DAPL1: variants seen among roughly 807,000 people sequenced by gnomAD.
The protein encoded by DAPL1 is death-associated protein-like 1.
A neutral mutation model predicts 12.9 loss-of-function variants in DAPL1; 17 were observed. The observed-to-expected ratio is 1.32, with a 90% CI of 0.90 to 1.98. DAPL1 has a LOEUF of 1.98. Ranked by LOEUF, DAPL1 falls within the 30% of genes most tolerant of loss-of-function variation. The pLI is 0.00. For missense variants in DAPL1, 157 were observed against 125.7 expected, an observed-to-expected ratio of 1.25 and a Z score of -1.19; for synonymous variants, 51 against 42.0, an observed-to-expected ratio of 1.21 and a Z score of -0.82.
At chr2:158,801,497 T>C (rs1456937662) in intron 1 of DAPL1, among the ~76,000 whole-genome samples, 2 of 152,208 alleles carry the variant, frequency 1.3e-5, no homozygotes, top group Non-Finnish European at 2.9e-5. Context: ...TATTCAGAAA[T>C]GTTTCCCTAT....
chr2:158,813,672 C>T (rs2059244171), intron 3 of DAPL1, among the ~76,000 whole-genome samples: 1 of 151,696 alleles, frequency 6.6e-6, no homozygotes, highest in Admixed American at 6.6e-5. Flanking sequence ...TCTCCTGCCT[C>T]AGCCTCCAGA....
chr2:158,799,824 G>A (rs113244310), intron 1 of DAPL1, among the ~76,000 whole-genome samples: 5 of 152,272 alleles, frequency 3.3e-5, no homozygotes, highest in African/African-American at 1.2e-4. Context: ...CTGGATGGAA[G>A]TAGGAATCTT....
chr2:158,795,497 T>C (rs1367320796), intron 1 of DAPL1, 67 bp downstream of exon 1: 15 of 1,457,412 alleles, frequency 1.0e-5, no homozygotes, highest in Non-Finnish European at 9.4e-7. Flanking sequence ...ATGCCTTCCA[T>C]GGAGCACCCC....
At chr2:158,795,630 A>G (rs1427839036) in intron 1 of DAPL1, among the ~76,000 whole-genome samples, 200 bp downstream of exon 1, 2 of 152,154 alleles carry the variant, frequency 1.3e-5, no homozygotes, top group African/African-American at 4.8e-5. Context: ...TCAGACCCCC[A>G]GTGAGTTAAA....
In DAPL1 at chr2:158,815,760, C is replaced by A; in HGVS notation, c.263C>A (p.Ala88Asp). The A allele has an allele frequency of 4.3e-6, 7 of 1,614,104 alleles. No individual in the cohort carries two copies. Among genetic ancestry groups the A allele is most frequent in the Non-Finnish European group, 5.9e-6 (7 of 1,179,968 alleles). The change falls in exon 4 of 4, where the codon GCT becomes GAT. Residue 88 changes from alanine (A) to aspartate (D), a missense_variant. Coordinates refer to ENST00000309950, the MANE Select transcript of DAPL1 (RefSeq NM_001017920.3). ...VHMAHQKPTPALEKVVPLKRI... is the reference protein window; with the variant it reads ...VHMAHQKPTPDLEKVVPLKRI... ...ATGGCGCATCAAAAACCCACACCTGCTCTGGAAAAGGTTGTTCCACTGAAA... is the reference window on the plus strand; with the variant it reads ...ATGGCGCATCAAAAACCCACACCTGATCTGGAAAAGGTTGTTCCACTGAAA...
chr2:158,812,296 G>T (rs1489548206), intron 3 of DAPL1, among the ~76,000 whole-genome samples: 3 of 152,184 alleles, frequency 2.0e-5, no homozygotes, highest in African/African-American at 7.2e-5. Context: ...TGGCCATTGG[G>T]CCACAGGGGC....
In DAPL1 at chr2:158,815,925, A is replaced by T; in HGVS notation, c.*104A>T. ...TAGGCGTGCTGCACTTGCTTGGTAA[A>T]TTAAGCAGCTTTTGTATCTTCCCCT... On this transcript the variant is annotated 3_prime_UTR_variant, in exon 4 of 4. Transcript: ENST00000309950. 1.2e-6 allele frequency: 1 copy of T among 800,188 alleles called. No homozygotes were observed. Among genetic ancestry groups the T allele is most frequent in the Non-Finnish European group, 2.2e-6 (1 of 463,634 alleles). The allele number at this position is 800,188 out of a possible 1,614,324, so 49.6% of individuals were successfully genotyped here.
Position 158,815,771 on chromosome 2 carries a change from G to C in DAPL1, c.274G>C (p.Val92Leu). ...HQKPTPALEK[V>L]VPLKRIYIIQ... ...AAAACCCACACCTGCTCTGGAAAAG[G>C]TTGTTCCACTGAAAAGGATCTACAT... The change falls in exon 4 of 4, where the codon GTT becomes CTT. Residue 92 changes from valine (V) to leucine (L), a missense_variant. Coordinates refer to ENST00000309950, the MANE Select transcript of DAPL1 (RefSeq NM_001017920.3). 2 of 1,614,076 alleles carry C rather than the reference G, an allele frequency of 1.2e-6. No individual in the cohort carries two copies. Among genetic ancestry groups the C allele is most frequent in the Non-Finnish European group, 1.7e-6 (2 of 1,179,974 alleles).
intron 3 of DAPL1, among the ~76,000 whole-genome samples, chr2:158,810,810 GGCTGTGTAGCCCAAAA>G (rs1196165040): frequency 3.3e-5 from 5 of 152,166 alleles, no homozygotes; most frequent in African/African-American, 1.2e-4. Flanking sequence ...GCAGAAAACA[GGCTGTGTAGCCCAAAA>G]GCTCTTTAGG....
At chr2:158,813,638 C>A (rs2059243806) in intron 3 of DAPL1, among the ~76,000 whole-genome samples, 1 of 150,698 alleles carries the variant, frequency 6.6e-6, no homozygotes, top group Non-Finnish European at 1.5e-5. Context: ...TCACTGCAAC[C>A]TCCGCCTCCT....
chr2:158,797,137 C>T (rs1423983264), intron 1 of DAPL1, among the ~76,000 whole-genome samples: 3 of 152,120 alleles, frequency 2.0e-5, no homozygotes, highest in Non-Finnish European at 4.4e-5. Flanking sequence ...AGATACGATT[C>T]GGTGGGGAGG....
chr2:158,812,305 G>C, intron 3 of DAPL1, among the ~76,000 whole-genome samples: 1 of 152,180 alleles, frequency 6.6e-6, no homozygotes, highest in East Asian at 1.9e-4. Context: ...GGCCACAGGG[G>C]CTGACTTTGT....
rs1376959091 is a variant in DAPL1 at position 158,815,774 on chromosome 2, G to T, written c.277G>T (p.Val93Phe). ...QKPTPALEKVVPLKRIYIIQQ... is the reference protein window; with the variant it reads ...QKPTPALEKVFPLKRIYIIQQ... ...ACCCACACCTGCTCTGGAAAAGGTTGTTCCACTGAAAAGGATCTACATTAT... is the reference window on the plus strand; with the variant it reads ...ACCCACACCTGCTCTGGAAAAGGTTTTTCCACTGAAAAGGATCTACATTAT... The change falls in exon 4 of 4, where the codon GTT becomes TTT. Residue 93 changes from valine (V) to phenylalanine (F), a missense_variant. Coordinates refer to ENST00000309950, the MANE Select transcript of DAPL1 (RefSeq NM_001017920.3). 1 of 1,614,088 alleles carries T rather than the reference G, an allele frequency of 6.2e-7. No homozygotes were observed.
In DAPL1 at chr2:158,804,301, A is replaced by G; in HGVS notation, c.78A>G (p.Arg26=). The G allele has an allele frequency of 6.2e-7, 1 of 1,610,490 alleles. No individual in the cohort carries two copies. The highest frequency in any genetic ancestry group is 8.5e-7 in the Non-Finnish European group (1 of 1,177,988). The part of the protein sequence containing the change: ...HPPAVKAGGM[R]ISKKQEIGTL... ...TTGTAGTAAAAGCTGGAGGAATGAG[A>G]ATTTCCAAAAAACAAGAAATTGGCA... The change falls in exon 2 of 4, where the codon AGA becomes AGG. Residue 26 remains arginine (R), a synonymous_variant. Coordinates refer to ENST00000309950, the MANE Select transcript of DAPL1 (RefSeq NM_001017920.3).
intron 2 of DAPL1, 128 bp downstream of exon 2, chr2:158,804,497 G>C: frequency 3.1e-6 from 2 of 637,674 alleles, no homozygotes; most frequent in Non-Finnish European, 5.4e-6. Context: ...GCAGGAGGGG[G>C]AGGGCGTGAT....
intron 2 of DAPL1, 54 bp downstream of exon 2, chr2:158,804,423 C>A: frequency 7.6e-7 from 1 of 1,318,952 alleles, no homozygotes; most frequent in Non-Finnish European, 1.1e-6. Context: ...GTGACTCTGC[C>A]TCCAGGAGTT....
intron 3 of DAPL1, among the ~76,000 whole-genome samples, chr2:158,814,905 C>G (rs922916845): frequency 2.6e-5 from 4 of 152,082 alleles, no homozygotes; most frequent in African/African-American, 9.7e-5. Context: ...AGCATGGACC[C>G]AAAAGGTCAC....
intron 3 of DAPL1, among the ~76,000 whole-genome samples, chr2:158,815,413 A>G (rs2059254653): frequency 6.6e-6 from 1 of 152,208 alleles, no homozygotes; most frequent in Admixed American, 6.5e-5. Context: ...CTAGTGCCAG[A>G]ATAATTGCTA....
rs751618257 is a variant in DAPL1 at position 158,804,324 on chromosome 2, G to A, written c.101G>A (p.Gly34Asp). ...AGAATTTCCAAAAAACAAGAAATTG[G>A]CACCTTGGAAAGACATACCAAAAAA... ...GMRISKKQEI[G>D]TLERHTKKTG... The change falls in exon 2 of 4, where the codon GGC becomes GAC. Residue 34 changes from glycine to aspartate, a missense_variant. Transcript: ENST00000309950. 7 of 1,611,498 alleles carry A rather than the reference G, an allele frequency of 4.3e-6. No homozygotes were observed. The highest frequency in any genetic ancestry group is 5.1e-6 in the Non-Finnish European group (6 of 1,178,782).
Sources: gnomAD v4.1 joint callset for allele counts (sites outside exome capture counted in the v4.1 genomes callset) on GRCh38, gnomAD v4.1.1 for gene constraint, MANE v1.5 for transcripts, NCBI Gene and HGNC (gene_info 2026-07-23, HGNC 2026-07-21) for gene names.